Variants in MLIP observed in about 807,000 individuals in gnomAD.
MLIP encodes muscular LMNA-interacting protein.
Under a neutral mutation model 84.8 loss-of-function variants are expected in MLIP, and 79 were observed. That is an observed-to-expected ratio of 0.93 (90% CI 0.78 to 1.12). The LOEUF (loss-of-function observed/expected upper bound fraction) is 1.12, where lower values mean the gene tolerates loss of function less well. Ranked by LOEUF, MLIP falls within the 50% of genes most tolerant of loss-of-function variation. The pLI is 0.00. For synonymous variants in MLIP, 504 were observed against 463.0 expected (o/e 1.09, Z -1.14); for missense variants, 1,257 against 1,160.6 (o/e 1.08, Z -1.21).
At chr6:54,215,205 A>C in intron 11 of MLIP, 1 of 1,534,634 alleles carries the variant, frequency 6.5e-7, no homozygotes. Flanking sequence ...TCCTCTGATC[A>C]TTGAGGAACC....
intron 13 of MLIP, among the ~76,000 whole-genome samples, chr6:54,264,134 A>G (rs778124644): frequency 6.6e-6 from 1 of 152,044 alleles, no homozygotes; most frequent in African/African-American, 2.4e-5. Flanking sequence ...AAATAGTGCT[A>G]AGCTTGCTGG....
chr6:54,228,285 A>AAG (rs775673469), intron 11 of MLIP, among the ~76,000 whole-genome samples: 5 of 152,132 alleles, frequency 3.3e-5, no homozygotes, highest in Non-Finnish European at 7.4e-5. Context: ...GATTATGCTA[A>AAG]AGAGAATCAC....
At chr6:54,130,732 AG>A (rs1331366723) in intron 3 of MLIP, among the ~76,000 whole-genome samples, 1 of 152,140 alleles carries the variant, frequency 6.6e-6, no homozygotes, top group East Asian at 1.9e-4. Context: ...GTCAGCCTGG[AG>A]CATCAGAAAG....
upstream of MLIP, among the ~76,000 whole-genome samples, chr6:54,108,637 A>T (rs1055903545): frequency 5.3e-5 from 8 of 152,240 alleles, no homozygotes; most frequent in Non-Finnish European, 1.0e-4. Context: ...CAAGGGAAAG[A>T]AAATGGTTAG....
At chr6:54,217,826 C>T in intron 11 of MLIP, 2 of 985,030 alleles carry the variant, frequency 2.0e-6, no homozygotes, top group East Asian at 1.1e-4. Flanking sequence ...AAAACTAAAA[C>T]ATTAAAAGAT....
intron 10 of MLIP, among the ~76,000 whole-genome samples, chr6:54,190,221 G>A (rs1777782726): frequency 6.6e-6 from 1 of 152,140 alleles, no homozygotes; most frequent in South Asian, 2.1e-4. Flanking sequence ...CTCTTTAAAG[G>A]AAGAGATCTA....
rs192174249 is a variant in MLIP at position 54,139,293 on chromosome 6, G to A, written c.2217+1007G>A. On this transcript the variant is annotated intron_variant, in intron 4 of 13. Coordinates refer to ENST00000502396, the MANE Select transcript of MLIP (RefSeq NM_001281747.2). ...ACCAATATAAGGCAAAATTAATTGT[G>A]TAAGTCAGATTATAAATAATCATCA... 4.6e-3 allele frequency among the ~76,000 whole-genome samples: 702 copies of A among 152,302 alleles called. 7 individuals carry two copies. The highest frequency in any genetic ancestry group is 0.015 in the African/African-American group (643 of 41,560).
chr6:54,123,490 C>T (rs1171385419), intron 2 of MLIP, among the ~76,000 whole-genome samples: 1 of 152,170 alleles, frequency 6.6e-6, no homozygotes, highest in Non-Finnish European at 1.5e-5. Context: ...TCCTCATTAT[C>T]AGCTGAATAA....
intron 9 of MLIP, among the ~76,000 whole-genome samples, chr6:54,170,992 G>T (rs4712057): frequency 6.6e-6 from 1 of 151,086 alleles, no homozygotes; most frequent in Non-Finnish European, 1.5e-5. Flanking sequence ...AAAAGTTGCT[G>T]CAATTTTTGC....
chr6:54,021,126 T>C (rs543907599), intron 1 of MLIP, among the ~76,000 whole-genome samples: 2 of 152,354 alleles, frequency 1.3e-5, no homozygotes, highest in East Asian at 3.9e-4. Context: ...TCATCGAGCA[T>C]TATGTTTCAT....
intron 12 of MLIP, among the ~76,000 whole-genome samples, chr6:54,239,439 C>T (rs1200963006): frequency 6.8e-6 from 1 of 146,972 alleles, no homozygotes; most frequent in Non-Finnish European, 1.5e-5. Context: ...TATATGTATA[C>T]AATGTTTTGT....
chr6:54,210,730 GAAA>G (rs70980900), intron 11 of MLIP, among the ~76,000 whole-genome samples: 7 of 131,250 alleles, frequency 5.3e-5, no homozygotes, highest in Admixed American at 1.6e-4. Context: ...CCAACGGAGG[GAAA>G]AAAAAAAAAA....
chr6:54,019,060 T>C, exon 1 of MLIP: 1 of 1,611,296 alleles, frequency 6.2e-7, no homozygotes, highest in Non-Finnish European at 8.5e-7. Context: ...AAAAGAAGCT[T>C]ATTAAACAAG....
At position 54,137,467 on chromosome 6, in the gene MLIP, C is replaced by T. The variant is rs751848771; in HGVS notation, c.1398C>T (p.Leu466=). The part of the protein sequence containing the change: ...KQTPPTPKKS[L]SSCSLRAGSP... ...CCCCACCCACGCCTAAAAAATCTCTCTCAAGTTGTTCCCTGAGAGCCGGGT... is the reference window on the plus strand; with the variant it reads ...CCCCACCCACGCCTAAAAAATCTCTTTCAAGTTGTTCCCTGAGAGCCGGGT... Residue 466 remains leucine, a synonymous_variant, in exon 4 of 14, where the codon CTC becomes CTT. Transcript: ENST00000502396. 8 of 1,536,076 alleles carry T rather than the reference C, an allele frequency of 5.2e-6. No homozygotes were observed. The highest frequency in any genetic ancestry group is 6.1e-6 in the Non-Finnish European group (7 of 1,146,888).
At chr6:54,047,010 G>A (rs1765098251) in intron 1 of MLIP, 1 of 152,132 alleles carries the variant, frequency 6.6e-6, no homozygotes, top group Non-Finnish European at 1.5e-5. Flanking sequence ...AGAGTTCACT[G>A]CACTTGAGAT....
At chr6:54,059,910 T>A (rs1765869893) in intron 1 of MLIP, among the ~76,000 whole-genome samples, 2 of 152,274 alleles carry the variant, frequency 1.3e-5, no homozygotes, top group Non-Finnish European at 2.9e-5. Context: ...TCCTTTCTAG[T>A]TCTCAAAATA....
intron 2 of MLIP, among the ~76,000 whole-genome samples, chr6:54,122,002 T>C (rs1770497611): frequency 6.6e-6 from 1 of 152,206 alleles, no homozygotes; most frequent in African/African-American, 2.4e-5. Context: ...ATACCTGATG[T>C]TGGGAAAGTT....
At chr6:54,163,596 C>T (rs1774880562) in intron 8 of MLIP, among the ~76,000 whole-genome samples, 1 of 151,784 alleles carries the variant, frequency 6.6e-6, no homozygotes, top group East Asian at 1.9e-4. Flanking sequence ...ATGTAAATGC[C>T]TTTTCCCACA....
chr6:54,126,045 C>T (rs901716109), intron 3 of MLIP, among the ~76,000 whole-genome samples: 5 of 151,686 alleles, frequency 3.3e-5, no homozygotes, highest in East Asian at 3.9e-4. Context: ...TCTTGAAGTT[C>T]GTTCTTAGCT....
Sources: gnomAD v4.1 joint callset for allele counts (sites outside exome capture counted in the v4.1 genomes callset) on GRCh38, gnomAD v4.1.1 for gene constraint, MANE v1.5 for transcripts, NCBI Gene and HGNC (gene_info 2026-07-23, HGNC 2026-07-21) for gene names.